The following RCBTB1 variants were observed in gnomAD, a reference collection of about 807,000 sequenced individuals.
The protein encoded by RCBTB1 is RCC1 and BTB domain containing protein 1.
In RCBTB1, 46 loss-of-function variants were observed where a neutral mutation model predicts 62.4. The observed-to-expected ratio is 0.74, with a 90% CI of 0.58 to 0.94. RCBTB1 has a LOEUF of 0.94. Among genes scored for constraint, RCBTB1 ranks in the 40% least tolerant of loss-of-function variants. The pLI is 0.00. For missense variants in RCBTB1, 565 were observed against 654.9 expected (o/e 0.86, Z 1.50); for synonymous variants, 222 against 245.8 (o/e 0.90, Z 0.91).
chr13:49,545,600 C>T (rs573799741), intron 9 of RCBTB1, among the ~76,000 whole-genome samples: 8 of 152,212 alleles, frequency 5.3e-5, no homozygotes, highest in East Asian at 3.9e-4. Context: ...TACAAATTCC[C>T]GGAATGCTTT....
intron 10 of RCBTB1, 128 bp from the exon 11 acceptor site, chr13:49,541,955 C>G: frequency 9.7e-7 from 1 of 1,034,986 alleles, no homozygotes; most frequent in Non-Finnish European, 1.3e-6. Flanking sequence ...GTGGCTCATG[C>G]CTGTAATCCC....
Position 49,532,240 on chromosome 13 carries a change from A to G in RCBTB1, c.*1882T>C, listed in dbSNP as rs563041278. The G allele has an allele frequency of 6.6e-6, 1 of 152,654 alleles. No individual in the cohort carries two copies. Among genetic ancestry groups the G allele is most frequent in the Non-Finnish European group, 1.5e-5 (1 of 68,050 alleles). The allele number at this position is 152,654 out of a possible 1,614,324, so 9.5% of individuals were successfully genotyped here. On this transcript the variant is annotated 3_prime_UTR_variant, in exon 13 of 13. Coordinates refer to ENST00000378302, the MANE Select transcript of RCBTB1 (RefSeq NM_018191.4). ...AAAGACCTGTTCTCTTCACTGCCAC[A>G]CATATTCATACAAATGACTTAGTAA... is the stretch of plus-strand genomic sequence containing the variant.
intron 2 of RCBTB1, among the ~76,000 whole-genome samples, chr13:49,571,121 C>T (rs1425855954): frequency 6.6e-6 from 1 of 152,102 alleles, no homozygotes; most frequent in East Asian, 1.9e-4. Flanking sequence ...CCGAGGCGGG[C>T]GGACCACCTG....
intron 2 of RCBTB1, among the ~76,000 whole-genome samples, chr13:49,577,927 T>C (rs1963879985): frequency 6.6e-6 from 1 of 152,234 alleles, no homozygotes; most frequent in Non-Finnish European, 1.5e-5. Flanking sequence ...AATAGAGGTT[T>C]CTCTATTTTT....
chr13:49,534,201 G>A lies in RCBTB1; in HGVS notation c.1517C>T (p.Ala506Val). The change falls in exon 13 of 13, where the codon GCA becomes GTA. Residue 506 changes from alanine to valine, a missense_variant. By Grantham distance (64) the Ala-to-Val change is moderately conservative. Coordinates refer to ENST00000378302, the MANE Select transcript of RCBTB1 (RefSeq NM_018191.4). ...INHLTEVTQTAAFWQMDGPLL... is the reference protein window; with the variant it reads ...INHLTEVTQTVAFWQMDGPLL... ...AGGGCCATCCATTTGCCAAAATGCT[G>A]CAGTCTGTGTAACTTCTGTCAAATG... 1 of 1,614,092 alleles carries A rather than the reference G, an allele frequency of 6.2e-7. No homozygotes were observed. Among genetic ancestry groups the A allele is most frequent in the South Asian group, 1.1e-5 (1 of 91,074 alleles).
rs185624714 is a variant in RCBTB1, at chr13:49,572,211, C to T, written c.-41-4891G>A. ...GAGTAGTGGCATGCACCTGGTGTCC[C>T]AGCTACTTGGGAGGCTGAGGTGGAA... On this transcript the variant is annotated intron_variant, in intron 2 of 12. Coordinates refer to ENST00000378302, the MANE Select transcript of RCBTB1 (RefSeq NM_018191.4). Among the ~76,000 whole-genome samples, 194 of 152,012 alleles carry T rather than the reference C, an allele frequency of 1.3e-3. 1 individual carries two copies. The highest frequency in any genetic ancestry group is 6.8e-3 in the Middle Eastern group (2 of 294).
chr13:49,535,750 C>T (rs183119354), intron 12 of RCBTB1, among the ~76,000 whole-genome samples: 49 of 152,210 alleles, frequency 3.2e-4, no homozygotes, highest in African/African-American at 1.2e-3. Context: ...ACAGGCCAGG[C>T]GTGGTGGCTC....
intron 1 of RCBTB1, among the ~76,000 whole-genome samples, chr13:49,581,932 A>G (rs1310528008): frequency 6.6e-6 from 1 of 152,264 alleles, no homozygotes; most frequent in Non-Finnish European, 1.5e-5. Flanking sequence ...CGTATGTGAA[A>G]GGTGAAGAAA....
intron 4 of RCBTB1, among the ~76,000 whole-genome samples, chr13:49,565,250 C>T (rs1044802141): frequency 2.0e-5 from 3 of 152,202 alleles, no homozygotes; most frequent in African/African-American, 7.2e-5. Flanking sequence ...CTCCTAACCG[C>T]GAGTGATCTG....
rs1026294594 is a variant in RCBTB1, at chr13:49,583,374, G to A, written c.-122+2070C>T. On this transcript the variant is annotated intron_variant, in intron 1 of 12. Coordinates refer to ENST00000378302, the MANE Select transcript of RCBTB1 (RefSeq NM_018191.4). ...AGCTTTTCTACCCCAGGAAAGAAGT[G>A]TGCTTTTGTGTATGTGTGTGTGTGT... Among the ~76,000 whole-genome samples, 11 of 120,654 alleles carry A rather than the reference G, an allele frequency of 9.1e-5. No homozygotes were observed. The Admixed American group carries it at 1.0e-3, about 11-fold the overall frequency. 79.2% of individuals were successfully genotyped at this position (120,654 alleles called of 152,430 possible). A position where few individuals can be genotyped will look rare whatever the true frequency, so the allele number is the denominator to read the frequency against.
At chr13:49,536,390 G>A (rs1272704333) in intron 12 of RCBTB1, among the ~76,000 whole-genome samples, 1 of 152,178 alleles carries the variant, frequency 6.6e-6, no homozygotes, top group African/African-American at 2.4e-5. Flanking sequence ...AGTGCCCAGG[G>A]TTGGTTTGCC....
chr13:49,536,990 C>T (rs1261707332), intron 12 of RCBTB1, among the ~76,000 whole-genome samples: 1 of 152,100 alleles, frequency 6.6e-6, no homozygotes, highest in Non-Finnish European at 1.5e-5. Context: ...CAAAACAAAA[C>T]ACAGAGCATT....
intron 5 of RCBTB1, among the ~76,000 whole-genome samples, chr13:49,559,535 A>G (rs1962249105): frequency 1.3e-5 from 2 of 151,678 alleles, no homozygotes; most frequent in Non-Finnish European, 2.9e-5. Context: ...GGGTGCCTGT[A>G]GTCCCAGCTA....
chr13:49,545,700 C>T (rs924175827), intron 9 of RCBTB1, among the ~76,000 whole-genome samples: 4 of 152,150 alleles, frequency 2.6e-5, no homozygotes, highest in African/African-American at 4.8e-5. Flanking sequence ...GACCAGGCAT[C>T]GAATCAAGCT....
chr13:49,583,044 G>A (rs889226540), intron 1 of RCBTB1, among the ~76,000 whole-genome samples: 3 of 152,158 alleles, frequency 2.0e-5, no homozygotes, highest in African/African-American at 7.2e-5. Context: ...GAATGTGGTG[G>A]TGCGCACCTG....
intron 10 of RCBTB1, among the ~76,000 whole-genome samples, 167 bp from the exon 11 acceptor site, chr13:49,541,994 C>A (rs1960402541): frequency 6.6e-6 from 1 of 152,132 alleles, no homozygotes; most frequent in Non-Finnish European, 1.5e-5. Flanking sequence ...GCGGGTAGAT[C>A]ACCTGAGATC....
intron 2 of RCBTB1, among the ~76,000 whole-genome samples, chr13:49,579,443 G>A (rs536381499): frequency 4.8e-4 from 73 of 152,178 alleles, no homozygotes; most frequent in African/African-American, 1.2e-3. Context: ...CTAACACAGC[G>A]AAACCCCGTC....
At position 49,541,624 on chromosome 13, in the gene RCBTB1, G is replaced by A. The variant is rs947266597; in HGVS notation, c.1324+52C>T. On this transcript the variant is annotated intron_variant, in intron 11 of 12. Transcript: ENST00000378302. ...TTACATTTCAGGACTAAGAATATGA[G>A]GGGATATATTCTCCACCATGCGGCT... 4 of 1,494,052 alleles carry A rather than the reference G, an allele frequency of 2.7e-6. No individual in the cohort carries two copies. In the Admixed American group the frequency reaches 6.8e-5, roughly 25 times the overall value. 92.5% of individuals were successfully genotyped at this position (1,494,052 alleles called of 1,614,324 possible).
chr13:49,568,946 T>C (rs112303323), intron 2 of RCBTB1, among the ~76,000 whole-genome samples: 2 of 152,172 alleles, frequency 1.3e-5, no homozygotes, highest in African/African-American at 4.8e-5. Flanking sequence ...AAAATAATGA[T>C]CAGAATAATT....
Sources: gnomAD v4.1 joint callset for allele counts (sites outside exome capture counted in the v4.1 genomes callset) on GRCh38, gnomAD v4.1.1 for gene constraint, MANE v1.5 for transcripts, NCBI Gene and HGNC (gene_info 2026-07-23, HGNC 2026-07-21) for gene names.